The following PCDHGA4 variants were observed in gnomAD, a reference collection of about 807,000 sequenced individuals.
PCDHGA4 encodes protocadherin gamma subfamily A, 4, also known as protocadherin gamma-A4.
Under a neutral mutation model 54.6 loss-of-function variants are expected in PCDHGA4, and 38 were observed. The observed-to-expected ratio is 0.70, with a 90% CI of 0.54 to 0.91. PCDHGA4 has a LOEUF of 0.91. Among genes scored for constraint, PCDHGA4 ranks in the 40% least tolerant of loss-of-function variants. PCDHGA4 has a pLI of 0.00. For synonymous variants in PCDHGA4, 511 were observed against 512.9 expected (o/e 1.00, Z 0.05); for missense variants, 1,298 against 1,220.9 (o/e 1.06, Z -0.94).
chr5:141,503,960 T>TTC (rs2099834474), intron 2 of PCDHGA4, among the ~76,000 whole-genome samples: 1 of 152,172 alleles, frequency 6.6e-6, no homozygotes, highest in Admixed American at 6.5e-5. Flanking sequence ...CCTACAGCCT[T>TTC]TCCCATGGTG....
At chr5:141,360,905 C>T (rs368319132) in intron 1 of PCDHGA4, 199 of 1,613,890 alleles carry the variant, frequency 1.2e-4, no homozygotes, top group Middle Eastern at 3.3e-4. Context: ...GACGTGCCGC[C>T]GGGCTTCTTT....
rs1275819200 is a variant in PCDHGA4, at chr5:141,491,620, A to G, written c.2515-3187A>G. 5 of 1,613,788 alleles carry G rather than the reference A, an allele frequency of 3.1e-6. No individual in the cohort carries two copies. Among genetic ancestry groups the G allele is most frequent in the Non-Finnish European group, 4.2e-6 (5 of 1,180,014 alleles). On this transcript the variant is annotated intron_variant, in intron 1 of 3. Coordinates refer to ENST00000571252, the MANE Select transcript of PCDHGA4 (RefSeq NM_018917.4). The surrounding 1 kb of genome is among the most constrained non-coding windows in gnomAD (Gnocchi z 6.9). ...TGACTTCACTTTTCTAAGACCCCTC[A>G]GCGTTCAGCAGCCCACAGCTCTGGC...
At chr5:141,443,447 C>T (rs1267862519) in intron 1 of PCDHGA4, among the ~76,000 whole-genome samples, 1 of 152,184 alleles carries the variant, frequency 6.6e-6, no homozygotes, top group African/African-American at 2.4e-5. Flanking sequence ...GGTTGCGCTC[C>T]TGTACTCCAG....
chr5:141,373,528 A>C lies in PCDHGA4; in HGVS notation c.2514+15907A>C, dbSNP rs186719526. Among the ~76,000 whole-genome samples, 616 of 152,300 alleles carry C rather than the reference A, an allele frequency of 4.0e-3. 6 individuals are homozygous for C. The highest frequency in any genetic ancestry group is 0.011 in the Admixed American group (171 of 15,302). On this transcript the variant is annotated intron_variant, in intron 1 of 3. Transcript: ENST00000571252. ...ACAGAGCGAGACTTTGTCTCCAAAA[A>C]AGTGTTTGTGGTTGTTGGTACCCTT...
intron 1 of PCDHGA4, among the ~76,000 whole-genome samples, chr5:141,464,300 A>G (rs1349155102): frequency 2.0e-5 from 3 of 149,898 alleles, no homozygotes; most frequent in East Asian, 1.9e-4. Context: ...ACTCCATTGT[A>G]TGTGCACATA....
chr5:141,406,258 G>A (rs895877034), intron 1 of PCDHGA4, among the ~76,000 whole-genome samples: 2 of 151,882 alleles, frequency 1.3e-5, no homozygotes, highest in African/African-American at 4.8e-5. Context: ...GGTCTCAAAC[G>A]ATCTTCCTGC....
intron 1 of PCDHGA4, chr5:141,433,123 C>G (rs575738328): frequency 3.7e-6 from 6 of 1,614,116 alleles, no homozygotes; most frequent in Non-Finnish European, 5.1e-6. Context: ...TTGAAAAAAG[C>G]GAGCCCCTTT....
At chr5:141,410,058 T>C in intron 1 of PCDHGA4, 1 of 1,613,016 alleles carries the variant, frequency 6.2e-7, no homozygotes, top group Non-Finnish European at 8.5e-7. Context: ...CTCTTCAGCC[T>C]GGGGCTGCGC....
At chr5:141,391,803 G>A (rs953210867) in intron 1 of PCDHGA4, 5 of 152,172 alleles carry the variant, frequency 3.3e-5, no homozygotes, top group African/African-American at 1.2e-4. Flanking sequence ...TTAGATCAAA[G>A]TGTTAATGTA....
chr5:141,467,268 G>C lies in PCDHGA4; in HGVS notation c.2515-27539G>C, dbSNP rs1195615721. On this transcript the variant is annotated intron_variant, in intron 1 of 3. Transcript: ENST00000571252. The stretch of plus-strand genomic sequence containing the variant: ...GGGTTTCACCATGTTGGCCAGGCTG[G>C]TCTCGAACTCTTGACCTCAAGTGAT... Among the ~76,000 whole-genome samples, 3 of 152,030 alleles carry C rather than the reference G, an allele frequency of 2.0e-5. No homozygotes were observed. The South Asian group carries it at 6.2e-4, about 32-fold the overall frequency.
At chr5:141,430,771 G>A (rs772862341) in intron 1 of PCDHGA4, 37 of 1,506,734 alleles carry the variant, frequency 2.5e-5, no homozygotes, top group Non-Finnish European at 2.7e-5. Flanking sequence ...TGATTCCTGC[G>A]CGACTGCACC....
chr5:141,487,403 C>T lies in PCDHGA4; in HGVS notation c.2515-7404C>T. 1 of 1,614,140 alleles carries T rather than the reference C, an allele frequency of 6.2e-7. No homozygotes were observed. Among genetic ancestry groups the T allele is most frequent in the South Asian group, 1.1e-5 (1 of 91,082 alleles). ...CAGATCTCGAAGGAGGGAGGGGCTTCCCCCTTCCAATGGGATCCTCCGAAT... is the reference window on the plus strand; with the variant it reads ...CAGATCTCGAAGGAGGGAGGGGCTTTCCCCTTCCAATGGGATCCTCCGAAT... On this transcript the variant is annotated intron_variant, in intron 1 of 3. Coordinates refer to ENST00000571252, the MANE Select transcript of PCDHGA4 (RefSeq NM_018917.4). The surrounding 1 kb of genome is among the most constrained non-coding windows in gnomAD (Gnocchi z 5.0).
At chr5:141,379,558 A>G (rs917784555) in intron 1 of PCDHGA4, 4 of 152,206 alleles carry the variant, frequency 2.6e-5, no homozygotes, top group African/African-American at 7.2e-5. Flanking sequence ...ACTACTTTTC[A>G]TGGAGATCAG....
intron 1 of PCDHGA4, among the ~76,000 whole-genome samples, chr5:141,358,637 A>C (rs1422577510): frequency 6.6e-6 from 1 of 152,218 alleles, no homozygotes; most frequent in Non-Finnish European, 1.5e-5. Context: ...TCAGTCATAT[A>C]TAAGTAGATT....
At chr5:141,402,884 T>G in intron 1 of PCDHGA4, 1 of 1,481,582 alleles carries the variant, frequency 6.7e-7, no homozygotes, top group Non-Finnish European at 9.0e-7. Flanking sequence ...CTTTGCAGGG[T>G]GGAAGAAAGA....
chr5:141,357,778 A>T, intron 1 of PCDHGA4, 157 bp downstream of exon 1: 3 of 896,478 alleles, frequency 3.3e-6, no homozygotes, highest in Non-Finnish European at 5.0e-6. Context: ...AATAATGATC[A>T]ACAGTATTTA....
chr5:141,439,171 C>T (rs948650584), intron 1 of PCDHGA4, among the ~76,000 whole-genome samples: 3 of 146,478 alleles, frequency 2.0e-5, no homozygotes, highest in Non-Finnish European at 3.0e-5. Context: ...CCAGCCTGGG[C>T]GACATAGTGA....
intron 1 of PCDHGA4, among the ~76,000 whole-genome samples, chr5:141,468,952 G>GTT (rs34870721): frequency 3.3e-5 from 5 of 151,198 alleles, no homozygotes; most frequent in Admixed American, 6.6e-5. Flanking sequence ...TAAACCTGTG[G>GTT]TTTTTTTTAC....
At position 141,355,299 on chromosome 5, in the gene PCDHGA4, C is replaced by G. The variant is rs537879124; in HGVS notation, c.192C>G (p.Tyr64Ter). The change falls in exon 1 of 4, where the codon TAC becomes TAG. Residue 64 changes from tyrosine (Y) to a stop codon, truncating the protein, a stop_gained. Transcript: ENST00000571252. LOFTEE classifies it high-confidence loss of function. ...LVEIRAEQILYSVFEEQEEGS... is the reference protein window; with the variant it reads ...LVEIRAEQIL ...AAATCAGGGCCGAACAGATTCTCTA[C>G]TCGGTGTTTGAGGAGCAGGAAGAAG... The G allele has an allele frequency of 1.2e-6, 2 of 1,613,922 alleles. No homozygotes were observed. Among genetic ancestry groups the G allele is most frequent in the Non-Finnish European group, 1.7e-6 (2 of 1,179,904 alleles).
Sources: gnomAD v4.1 joint callset for allele counts (sites outside exome capture counted in the v4.1 genomes callset) on GRCh38, gnomAD v4.1.1 for gene constraint, Gnocchi (gnomAD v3.1) non-coding constraint, MANE v1.5 for transcripts, NCBI Gene and HGNC (gene_info 2026-07-23, HGNC 2026-07-21) for gene names.